Variants in GARIN2 observed in about 807,000 individuals in gnomAD.
GARIN2 encodes golgi associated RAB2 interactor family member 2.
At chr14:67,225,951 G>GTGTGTGTGTT in the GARIN2 span, among the ~76,000 whole-genome samples, 53 of 138,246 alleles carry the variant, frequency 3.8e-4, no homozygotes, top group Non-Finnish European at 7.3e-4. Flanking sequence ...GTGTGTGTGT[G>GTGTGTGTGTT]TGTGTGTGTG....
the GARIN2 span, among the ~76,000 whole-genome samples, chr14:67,219,385 G>A: frequency 6.6e-6 from 1 of 152,168 alleles, no homozygotes; most frequent in African/African-American, 2.4e-5. Flanking sequence ...CCACAGACAT[G>A]TCTCTGCTCC....
chr14:67,208,352 G>C, the GARIN2 span: 1 of 1,613,994 alleles, frequency 6.2e-7, no homozygotes, highest in Non-Finnish European at 8.5e-7. Flanking sequence ...GACCCCAGTA[G>C]AAAGTGAGGC....
At chr14:67,203,052 A>G in the GARIN2 span, 3 of 1,585,222 alleles carry the variant, frequency 1.9e-6, no homozygotes, top group Non-Finnish European at 2.6e-6. Flanking sequence ...TCAAAGCCAC[A>G]CATTTCATCA....
At chr14:67,193,112 A>T in the GARIN2 span, among the ~76,000 whole-genome samples, 114 of 143,942 alleles carry the variant, frequency 7.9e-4, 6 homozygotes, top group South Asian at 0.025. Flanking sequence ...CTCTATATAG[A>T]TATCTCTCTA....
chr14:67,227,391 G>A, the GARIN2 span: 1 of 146,480 alleles, frequency 6.8e-6, no homozygotes, highest in Non-Finnish European at 1.5e-5. Flanking sequence ...ACTGAGCCGA[G>A]ATCGCACCAC....
At chr14:67,223,040 C>T in the GARIN2 span, among the ~76,000 whole-genome samples, 1 of 141,710 alleles carries the variant, frequency 7.1e-6, no homozygotes, top group Non-Finnish European at 1.5e-5. Context: ...CCCTCTTTCG[C>T]CCAAGCCAGA....
At chr14:67,199,194 C>T in the GARIN2 span, 1 of 1,606,228 alleles carries the variant, frequency 6.2e-7, no homozygotes, top group Non-Finnish European at 8.5e-7. Flanking sequence ...CACCCACATG[C>T]CAAAGGATAG....
chr14:67,212,406 T>C, the GARIN2 span, among the ~76,000 whole-genome samples: 5 of 151,370 alleles, frequency 3.3e-5, no homozygotes, highest in African/African-American at 4.9e-5. Context: ...TGGGCAACAT[T>C]GCAAAACCCT....
the GARIN2 span, among the ~76,000 whole-genome samples, chr14:67,206,850 C>A: frequency 6.6e-6 from 1 of 152,038 alleles, no homozygotes; most frequent in Non-Finnish European, 1.5e-5. Context: ...TATGCCTCAG[C>A]TTTCCAAGTA....
At chr14:67,212,059 A>C in the GARIN2 span, among the ~76,000 whole-genome samples, 1 of 152,056 alleles carries the variant, frequency 6.6e-6, no homozygotes, top group Non-Finnish European at 1.5e-5. Flanking sequence ...TGCTAAAATG[A>C]ATAATAGAAT....
chr14:67,200,101 C>A, the GARIN2 span: 1 of 1,031,308 alleles, frequency 9.7e-7, no homozygotes, highest in Admixed American at 2.3e-5. Context: ...TGGACCTCCT[C>A]CAATGGGCAT....
At chr14:67,197,562 T>G in the GARIN2 span, among the ~76,000 whole-genome samples, 2 of 152,056 alleles carry the variant, frequency 1.3e-5, no homozygotes, top group African/African-American at 4.8e-5. Flanking sequence ...CAGGGACCAG[T>G]GTTGTGGAAG....
chr14:67,208,181 T>G, the GARIN2 span: 2 of 1,612,346 alleles, frequency 1.2e-6, no homozygotes, highest in Non-Finnish European at 1.7e-6. Flanking sequence ...CCTGATTTGC[T>G]GCTGCTTTTT....
chr14:67,222,800 A>C, the GARIN2 span, among the ~76,000 whole-genome samples: 367 of 152,300 alleles, frequency 2.4e-3, 9 homozygotes, highest in East Asian at 0.017. Context: ...AGCTTCAGTC[A>C]TGCACATAAA....
the GARIN2 span, among the ~76,000 whole-genome samples, chr14:67,226,543 TAG>T: frequency 6.6e-6 from 1 of 152,170 alleles, no homozygotes; most frequent in Admixed American, 6.5e-5. Context: ...GTATTTTTAG[TAG>T]AGACGGGGTT....
At chr14:67,218,890 G>T in the GARIN2 span, among the ~76,000 whole-genome samples, 4 of 151,986 alleles carry the variant, frequency 2.6e-5, no homozygotes, top group Admixed American at 1.3e-4. Flanking sequence ...AGTGAGGGTT[G>T]GTTTCCCTGC....
At chr14:67,221,746 C>T in the GARIN2 span, 1 of 1,611,130 alleles carries the variant, frequency 6.2e-7, no homozygotes, top group African/African-American at 1.3e-5. Flanking sequence ...GTTATGCTGG[C>T]AAATTTTTGA....
chr14:67,217,165 A>G, the GARIN2 span, among the ~76,000 whole-genome samples: 1 of 142,648 alleles, frequency 7.0e-6, no homozygotes, highest in African/African-American at 2.8e-5. Flanking sequence ...GACTTTCTTC[A>G]TCTTTTTTTT....
chr14:67,212,666 A>T, the GARIN2 span, among the ~76,000 whole-genome samples: 15 of 129,006 alleles, frequency 1.2e-4, no homozygotes, highest in African/African-American at 3.7e-4. Flanking sequence ...ATATATATTT[A>T]CACATACATA....
Sources: gnomAD v4.1 joint callset for allele counts (sites outside exome capture counted in the v4.1 genomes callset) on GRCh38, gnomAD v4.1.1 for gene constraint, MANE v1.5 for transcripts, NCBI Gene and HGNC (gene_info 2026-07-23, HGNC 2026-07-21) for gene names.